The following HFE variants were observed in gnomAD, a reference collection of about 807,000 sequenced individuals.
HFE encodes the protein homeostatic iron regulator, also known as hereditary hemochromatosis protein.
HFE carries 36 observed loss-of-function variants against 40.9 expected under a neutral mutation model. The ratio of observed to expected loss-of-function variants is 0.88; its 90% CI spans 0.67 to 1.16. The LOEUF is 1.16. Among genes scored for constraint, HFE ranks in the 50% most tolerant of loss-of-function variants. The pLI, the probability that HFE is intolerant of heterozygous loss-of-function variation, is 0.00. For synonymous variants in HFE, 157 were observed against 165.4 expected (o/e 0.95, Z 0.39); for missense variants, 376 against 432.0 (o/e 0.87, Z 1.15).
chr6:26,088,128 G>A (rs1561937287), intron 1 of HFE, among the ~76,000 whole-genome samples: 1 of 152,192 alleles, frequency 6.6e-6, no homozygotes, highest in African/African-American at 2.4e-5. Context: ...GGCCTACCTC[G>A]GGCCTTTCCC....
chr6:26,092,841 C>G lies in HFE; in HGVS notation c.773C>G (p.Pro258Arg). The part of the protein sequence containing the change: ...AKEFEPKDVL[P>R]NGDGTYQGWI... ...GAGTTCGAACCTAAAGACGTATTGC[C>G]CAATGGGGATGGGACCTACCAGGGC... Residue 258 changes from proline to arginine, a missense_variant, in exon 4 of 6, where the codon CCC (proline) becomes CGC (arginine). This residue lies in a region of HFE where 173 missense variants were observed against 186.9 expected (regional missense o/e 0.93). Transcript: ENST00000357618. The G allele has an allele frequency of 6.2e-7, 1 of 1,614,198 alleles. No individual in the cohort carries two copies. The highest frequency in any genetic ancestry group is 8.5e-7 in the Non-Finnish European group (1 of 1,180,036).
Position 26,087,667 on chromosome 6 carries a change from C to A in HFE, c.76+151C>A, listed in dbSNP as rs1336633043. On this transcript the variant is annotated intron_variant, in intron 1 of 5. Coordinates refer to ENST00000357618, the MANE Select transcript of HFE (RefSeq NM_000410.4). ...TCTCCCTACTTTCTGCGTCCAGACC[C>A]CGTGAGGGAGTGCCTACCACTGAAC... 4.5e-6 allele frequency: 3 copies of A among 673,438 alleles called. No individual in the cohort carries two copies. The African/African-American group carries it at 5.4e-5, about 12-fold the overall frequency. 41.7% of individuals were successfully genotyped at this position (673,438 alleles called of 1,614,324 possible).
rs1278264808 is a variant in HFE, at chr6:26,094,857, G to C, written c.*631G>C. ...GAAAAAGCATCATGGCTATCTGTGG[G>C]TAGTATGATGGGTGTTTTTAGCAGG... On this transcript the variant is annotated 3_prime_UTR_variant, in exon 6 of 6. Coordinates refer to ENST00000357618, the MANE Select transcript of HFE (RefSeq NM_000410.4). 1 of 192,122 alleles carries C rather than the reference G, an allele frequency of 5.2e-6. No individual in the cohort carries two copies. The highest frequency in any genetic ancestry group is 1.1e-5 in the Non-Finnish European group (1 of 91,654). The allele number at this position is 192,122 out of a possible 1,614,324, so 11.9% of individuals were successfully genotyped here.
chr6:26,096,248 C>T lies in HFE; in HGVS notation c.*2022C>T. 6.9e-6 allele frequency: 2 copies of T among 291,814 alleles called. No homozygotes were observed. The highest frequency in any genetic ancestry group is 1.4e-5 in the Non-Finnish European group (2 of 147,512). The allele number at this position is 291,814 out of a possible 1,614,324, so 18.1% of individuals were successfully genotyped here. A position where few individuals can be genotyped will look rare whatever the true frequency, so the allele number is the denominator to read the frequency against. ...TCCCAGGTTCAAGCGATTCTCCTGTCTCAGCCTCCCAAGTAGCTGGGATTA... is the reference window on the plus strand; with the variant it reads ...TCCCAGGTTCAAGCGATTCTCCTGTTTCAGCCTCCCAAGTAGCTGGGATTA... On this transcript the variant is annotated 3_prime_UTR_variant, in exon 6 of 6. Coordinates refer to ENST00000357618, the MANE Select transcript of HFE (RefSeq NM_000410.4).
In HFE at chr6:26,095,148, T is replaced by G. The variant is rs546010945; in HGVS notation, c.*922T>G. 2.0e-5 allele frequency: 3 copies of G among 152,514 alleles called. No homozygotes were observed. The highest frequency in any genetic ancestry group is 7.2e-5 in the African/African-American group (3 of 41,586). 9.4% of individuals were successfully genotyped at this position (152,514 alleles called of 1,614,324 possible). The stretch of plus-strand genomic sequence containing the variant: ...GCATTACTGCATGCACTTCTTACAA[T>G]AATTCTATGAGATAGGTACTATTAT... On this transcript the variant is annotated 3_prime_UTR_variant, in exon 6 of 6. Transcript: ENST00000357618.
At position 26,097,261 on chromosome 6, in the gene HFE, A is replaced by G. The variant is rs1763076574; in HGVS notation, c.*3035A>G. The G allele has an allele frequency of 6.6e-6, 1 of 152,200 alleles. No homozygotes were observed. Among genetic ancestry groups the G allele is most frequent in the East Asian group, 1.9e-4 (1 of 5,204 alleles). The allele number at this position is 152,200 out of a possible 1,614,324, so 9.4% of individuals were successfully genotyped here. A position where few individuals can be genotyped will look rare whatever the true frequency, so the allele number is the denominator to read the frequency against. On this transcript the variant is annotated 3_prime_UTR_variant, in exon 6 of 6. Transcript: ENST00000357618. ...CACATTTCACTAACACATTTACTAA[A>G]CATCAGCAACTGTGGCCTGTTAATT...
At chr6:26,091,137 T>C (rs769837518) in intron 2 of HFE, 33 bp downstream of exon 2, 352 of 1,613,278 alleles carry the variant, frequency 2.2e-4, no homozygotes, top group Non-Finnish European at 2.9e-4. Context: ...CTTCCTGAGG[T>C]TGTCAGAGCT....
In HFE at chr6:26,087,485, G is replaced by A; in HGVS notation, c.45G>A (p.Leu15=). The part of the protein sequence containing the change: ...ARPALLLLML[L]QTAVLQGRLL... ...CGGCGCTTCTCCTCCTGATGCTTTT[G>A]CAGACCGCGGTCCTGCAGGGGCGCT... is the stretch of plus-strand genomic sequence containing the variant. The change falls in exon 1 of 6, where the codon TTG becomes TTA. Residue 15 remains leucine, a synonymous_variant. Coordinates refer to ENST00000357618, the MANE Select transcript of HFE (RefSeq NM_000410.4). The A allele has an allele frequency of 1.2e-6, 2 of 1,614,062 alleles. No individual in the cohort carries two copies.
chr6:26,088,071 G>C lies in HFE; in HGVS notation c.76+555G>C, dbSNP rs555113666. 1.3e-4 allele frequency among the ~76,000 whole-genome samples: 20 copies of C among 152,320 alleles called. No homozygotes were observed. The East Asian group carries it at 3.9e-3, about 29-fold the overall frequency. ...ATTCTTCACCATTCCACCCACTTTT[G>C]GTGAGACCTGGGGTGGAGGTCTCTA... On this transcript the variant is annotated intron_variant, in intron 1 of 5. Transcript: ENST00000357618.
intron 3 of HFE, 111 bp from the exon 4 acceptor site, chr6:26,092,574 T>C: frequency 6.2e-7 from 1 of 1,604,812 alleles, no homozygotes; most frequent in South Asian, 1.1e-5. Flanking sequence ...GCTTGTTTTT[T>C]TCTGAAAAGG....
intron 1 of HFE, among the ~76,000 whole-genome samples, chr6:26,090,106 C>T (rs1334387843): frequency 6.6e-6 from 1 of 152,050 alleles, no homozygotes; most frequent in Admixed American, 6.6e-5. Flanking sequence ...AGATTCCAGT[C>T]AGGCTTCCAA....
At position 26,091,395 on chromosome 6, in the gene HFE, A is replaced by G; in HGVS notation, c.422A>G (p.Asp141Gly). 2 of 1,614,156 alleles carry G rather than the reference A, an allele frequency of 1.2e-6. No individual in the cohort carries two copies. Among genetic ancestry groups the G allele is most frequent in the Non-Finnish European group, 1.7e-6 (2 of 1,180,020 alleles). The change falls in exon 3 of 6, where the codon GAT becomes GGT. Residue 141 changes from aspartate to glycine, a missense_variant. Asp to Gly is a moderately conservative substitution (Grantham distance 94). Transcript: ENST00000357618. Reference protein sequence around the residue: ...STEGYWKYGYDGQDHLEFCPD... With the variant: ...STEGYWKYGYGGQDHLEFCPD... The stretch of plus-strand genomic sequence containing the variant: ...GAGGGCTACTGGAAGTACGGGTATG[A>G]TGGGCAGGACCACCTTGAATTCTGC...
intron 5 of HFE, 112 bp from the exon 6 acceptor site, chr6:26,094,074 T>C (rs749819646): frequency 2.0e-6 from 2 of 1,018,204 alleles, no homozygotes; most frequent in Non-Finnish European, 3.1e-6. Flanking sequence ...TGAAATCCAA[T>C]AGTGCCCAGG....
chr6:26,089,106 T>TGGGGGGGGGGGGG (rs576461485), intron 1 of HFE, among the ~76,000 whole-genome samples: 2 of 5,864 alleles, frequency 3.4e-4, no homozygotes, highest in African/African-American at 1.1e-3. Context: ...TGTGTGTGTG[T>TGGGGGGGGGGGGG]GTGGGGGGGG....
intron 1 of HFE, among the ~76,000 whole-genome samples, chr6:26,087,943 C>G (rs1374580780): frequency 1.3e-5 from 2 of 152,190 alleles, no homozygotes; most frequent in Non-Finnish European, 2.9e-5. Flanking sequence ...GAGTGCTTGC[C>G]GAGAAGGCTG....
At position 26,096,627 on chromosome 6, in the gene HFE, A is replaced by G. The variant is rs1418472298; in HGVS notation, c.*2401A>G. The G allele has an allele frequency of 4.5e-6, 2 of 449,084 alleles. No individual in the cohort carries two copies. Among genetic ancestry groups the G allele is most frequent in the Non-Finnish European group, 8.9e-6 (2 of 225,268 alleles). 27.8% of individuals were successfully genotyped at this position (449,084 alleles called of 1,614,324 possible). A position where few individuals can be genotyped will look rare whatever the true frequency, so the allele number is the denominator to read the frequency against. ...GATATCTCATCTCTTCTTTTAAACC[A>G]TTTTCTTTTTTTGTGGTTAGAAAAG... On this transcript the variant is annotated 3_prime_UTR_variant, in exon 6 of 6. Coordinates refer to ENST00000357618, the MANE Select transcript of HFE (RefSeq NM_000410.4).
intron 1 of HFE, 81 bp downstream of exon 1, chr6:26,087,597 G>A: frequency 3.8e-6 from 5 of 1,298,742 alleles, no homozygotes; most frequent in South Asian, 3.7e-5. Flanking sequence ...GCGCTTGGGA[G>A]TTTGCTAACT....
chr6:26,095,871 G>A lies in HFE; in HGVS notation c.*1645G>A, dbSNP rs1006742686. On this transcript the variant is annotated 3_prime_UTR_variant, in exon 6 of 6. Transcript: ENST00000357618. ...TGGACCCTACGCAAGGACTGTAATT[G>A]GTGGGGACAGCTAGTGGCCCTGCTG... is the stretch of plus-strand genomic sequence containing the variant. The A allele has an allele frequency of 1.3e-5, 2 of 152,382 alleles. No homozygotes were observed. Among genetic ancestry groups the A allele is most frequent in the Non-Finnish European group, 2.9e-5 (2 of 68,198 alleles). The allele number at this position is 152,382 out of a possible 1,614,324, so 9.4% of individuals were successfully genotyped here.
Position 26,093,225 on chromosome 6 carries a change from G to C in HFE, c.999G>C (p.Gln333His). 1.2e-6 allele frequency: 2 copies of C among 1,608,992 alleles called. No homozygotes were observed. Among genetic ancestry groups the C allele is most frequent in the Non-Finnish European group, 1.7e-6 (2 of 1,175,356 alleles). The stretch of plus-strand genomic sequence containing the variant: ...TGTTCATAATATTAAGGAAGAGGCA[G>C]GGTTCAAGTGAGTAGGAACAAGGGG... ...GILFIILRKRQGSRGAMGHYV... is the reference protein window; with the variant it reads ...GILFIILRKRHGSRGAMGHYV... The change falls in exon 5 of 6, where the codon CAG becomes CAC. Residue 333 changes from glutamine to histidine, a missense_variant. By Grantham distance (24) the Gln-to-His change is conservative (BLOSUM62 0). Around this residue, in one of 3 missense-constraint regions of HFE, gnomAD observed 173 missense variants for 186.9 expected, o/e 0.93. Coordinates refer to ENST00000357618, the MANE Select transcript of HFE (RefSeq NM_000410.4).
Sources: allele counts gnomAD v4.1 joint callset (sites outside exome capture counted in the v4.1 genomes callset), GRCh38; gene constraint gnomAD v4.1.1; regional missense constraint gnomAD v4.1.1; transcripts MANE v1.5; gene names NCBI Gene and HGNC (gene_info 2026-07-23, HGNC 2026-07-21).